HDAC9: variants seen among roughly 807,000 people sequenced by gnomAD.
HDAC9 encodes the protein MEF-2 interacting transcription repressor (MITR) protein.
Under a neutral mutation model 139.4 loss-of-function variants are expected in HDAC9, and 41 were observed. That is an observed-to-expected ratio of 0.29 (90% CI 0.23 to 0.38). HDAC9 has a LOEUF of 0.38. HDAC9 is among the 10% of genes least tolerant of loss of function. HDAC9 has a pLI of 1.00. For missense variants in HDAC9, 1,147 were observed against 1,297.0 expected (o/e 0.88, Z 1.78); for synonymous variants, 517 against 476.2 (o/e 1.09, Z -1.12).
chr7:18,445,086 G>T (rs1376969480), intron 1 of HDAC9, among the ~76,000 whole-genome samples: 1 of 152,132 alleles, frequency 6.6e-6, no homozygotes, highest in African/African-American at 2.4e-5. Context: ...TTATAGAAAG[G>T]CAGGAGTTTG....
chr7:18,351,756 A>G (rs769223672), intron 1 of HDAC9, among the ~76,000 whole-genome samples: 51 of 152,234 alleles, frequency 3.4e-4, no homozygotes, highest in Non-Finnish European at 6.9e-4. Flanking sequence ...GCAAAGCCCT[A>G]CATAAATATT....
chr7:18,990,902 C>A (rs553837168), intron 25 of HDAC9, among the ~76,000 whole-genome samples: 18 of 152,358 alleles, frequency 1.2e-4, no homozygotes, highest in Admixed American at 1.2e-3. Context: ...CCTGCTTGGG[C>A]TCGCGCATGG....
At chr7:18,638,991 C>G (rs1247157500) in intron 8 of HDAC9, among the ~76,000 whole-genome samples, 1 of 151,992 alleles carries the variant, frequency 6.6e-6, no homozygotes, top group Non-Finnish European at 1.5e-5. Context: ...ACTTTAGATT[C>G]AGTAGATTTA....
chr7:18,282,713 G>A (rs1345581189), intron 2 of HDAC9, among the ~76,000 whole-genome samples: 3 of 151,992 alleles, frequency 2.0e-5, no homozygotes, highest in Non-Finnish European at 4.4e-5. Context: ...TCCACCGGGG[G>A]AAAAATAATA....
chr7:18,696,529 G>A (rs142662169), intron 12 of HDAC9, among the ~76,000 whole-genome samples: 2,841 of 150,468 alleles, frequency 0.019, 96 homozygotes, highest in African/African-American at 0.065. Flanking sequence ...GTGCAGTGGC[G>A]CGATCTTGGC....
At chr7:18,449,914 A>G (rs1030094689) in intron 1 of HDAC9, among the ~76,000 whole-genome samples, 3 of 152,190 alleles carry the variant, frequency 2.0e-5, no homozygotes, top group African/African-American at 7.2e-5. Flanking sequence ...CAAAATTAGA[A>G]TCAGACTTTT....
intron 23 of HDAC9, among the ~76,000 whole-genome samples, chr7:18,936,521 C>T (rs1055807727): frequency 1.3e-5 from 2 of 152,180 alleles, no homozygotes; most frequent in African/African-American, 4.8e-5. Flanking sequence ...TACATTGCAA[C>T]ATACTTTCTG....
At chr7:18,500,541 A>G (rs1798092086) in intron 2 of HDAC9, among the ~76,000 whole-genome samples, 1 of 152,190 alleles carries the variant, frequency 6.6e-6, no homozygotes, top group African/African-American at 2.4e-5. Flanking sequence ...CAAGTTGACC[A>G]GTTCCTGAGG....
At chr7:18,884,405 C>T (rs1434346936) in intron 22 of HDAC9, among the ~76,000 whole-genome samples, 1 of 152,094 alleles carries the variant, frequency 6.6e-6, no homozygotes, top group African/African-American at 2.4e-5. Flanking sequence ...ACACCATGGT[C>T]AATTGATCTT....
intron 16 of HDAC9, among the ~76,000 whole-genome samples, chr7:18,789,545 C>T (rs1453195338): frequency 6.6e-6 from 1 of 152,174 alleles, no homozygotes; most frequent in African/African-American, 2.4e-5. Context: ...TCATTTATTT[C>T]CTTTCCAGCC....
At chr7:18,249,960 C>A (rs1034171428) in intron 2 of HDAC9, among the ~76,000 whole-genome samples, 1 of 152,090 alleles carries the variant, frequency 6.6e-6, no homozygotes, top group Non-Finnish European at 1.5e-5. Context: ...AAATAAATGT[C>A]TTTTCAGCTG....
chr7:18,436,242 TTTGA>T (rs1392931972), intron 1 of HDAC9, among the ~76,000 whole-genome samples: 4 of 152,142 alleles, frequency 2.6e-5, no homozygotes, highest in Non-Finnish European at 5.9e-5. Context: ...TTGTCTAAAG[TTTGA>T]TTAAGATGAT....
At chr7:18,801,317 T>G (rs1365706994) in intron 17 of HDAC9, among the ~76,000 whole-genome samples, 2 of 152,122 alleles carry the variant, frequency 1.3e-5, no homozygotes, top group Admixed American at 1.3e-4. Flanking sequence ...TGAGAGAATT[T>G]TACATTGTAT....
At chr7:18,434,690 A>G (rs891044956) in intron 1 of HDAC9, among the ~76,000 whole-genome samples, 1 of 152,196 alleles carries the variant, frequency 6.6e-6, no homozygotes, top group Non-Finnish European at 1.5e-5. Context: ...ACTACAAGAG[A>G]TACCACCTCA....
At chr7:18,494,818 A>G (rs1342665257), upstream of HDAC9, among the ~76,000 whole-genome samples, 1 of 152,114 alleles carries the variant, frequency 6.6e-6, no homozygotes, top group African/African-American at 2.4e-5. Context: ...TTATCCATCA[A>G]CAGGTGCATA....
intron 2 of HDAC9, among the ~76,000 whole-genome samples, chr7:18,282,951 T>C (rs1486830275): frequency 8.8e-6 from 1 of 114,030 alleles, no homozygotes; most frequent in Non-Finnish European, 2.0e-5. Context: ...TCTTTGACCT[T>C]TTTCTGGTTC....
chr7:18,439,558 C>T (rs570844035), intron 1 of HDAC9, among the ~76,000 whole-genome samples: 281 of 152,146 alleles, frequency 1.8e-3, no homozygotes, highest in African/African-American at 6.4e-3. Context: ...ATTCATTACT[C>T]GAAGGAACCC....
intron 2 of HDAC9, among the ~76,000 whole-genome samples, chr7:18,201,955 C>A (rs947975241): frequency 6.6e-6 from 1 of 152,170 alleles, no homozygotes; most frequent in Non-Finnish European, 1.5e-5. Flanking sequence ...GAATACTTCC[C>A]AGTAATGGAA....
intron 3 of HDAC9, among the ~76,000 whole-genome samples, chr7:18,587,155 G>A (rs1633986): frequency 0.93 from 141,673 of 152,192 alleles, 65,993 homozygotes; most frequent in East Asian, 1. Context: ...TAGCTATAAA[G>A]TTAATATAAA....
Sources: gnomAD v4.1 joint callset for allele counts (sites outside exome capture counted in the v4.1 genomes callset) on GRCh38, gnomAD v4.1.1 for gene constraint, MANE v1.5 for transcripts, NCBI Gene and HGNC (gene_info 2026-07-23, HGNC 2026-07-21) for gene names.